Variants in INTS1 observed in about 807,000 individuals in gnomAD.
INTS1 encodes the protein integrator complex subunit 1.
In INTS1, 137 loss-of-function variants were observed where a neutral mutation model predicts 241.6. The ratio of observed to expected loss-of-function variants is 0.57; its 90% CI spans 0.49 to 0.65. The LOEUF (loss-of-function observed/expected upper bound fraction) is 0.65. Among genes scored for constraint, INTS1 ranks in the 30% least tolerant of loss-of-function variants. The pLI, the probability that INTS1 is intolerant of heterozygous loss-of-function variation, is 0.00. For synonymous variants in INTS1, 1,692 were observed against 1,337.8 expected, an observed-to-expected ratio of 1.26 and a Z score of -5.78; for missense variants, 3,073 against 3,032.2, an observed-to-expected ratio of 1.01 and a Z score of -0.32.
Position 1,476,001 on chromosome 7 carries a change from C to G in INTS1, c.5449G>C (p.Val1817Leu). Reference sequence around the variant, plus strand: ...TCGCTGTGCAGTAGGACCTCAGGCACGGGCACCCGCAGCTCCGGCCGCTGT... The same window carrying G: ...TCGCTGTGCAGTAGGACCTCAGGCAGGGGCACCCGCAGCTCCGGCCGCTGT... ...YLQRPELRVP[V>L]PEVLLHSEGA... The change falls in exon 39 of 48, where the codon GTG becomes CTG. Residue 1817 changes from valine (V) to leucine (L), a missense_variant. Transcript: ENST00000404767. 1 of 1,545,608 alleles carries G rather than the reference C, an allele frequency of 6.5e-7. No individual in the cohort carries two copies. Among genetic ancestry groups the G allele is most frequent in the Non-Finnish European group, 8.7e-7 (1 of 1,146,720 alleles).
At chr7:1,499,212 G>A (rs200587855) in intron 7 of INTS1, 43 bp downstream of exon 7, 52 of 1,602,798 alleles carry the variant, frequency 3.2e-5, no homozygotes, top group African/African-American at 1.2e-4. Flanking sequence ...CGAGGCGCCC[G>A]CCCCCGCCGC....
At chr7:1,492,550 T>C (rs919064024) in intron 16 of INTS1, among the ~76,000 whole-genome samples, 1 of 152,184 alleles carries the variant, frequency 6.6e-6, no homozygotes, top group Non-Finnish European at 1.5e-5. Flanking sequence ...TCTGAAAACA[T>C]GGAATTGCAC....
At position 1,477,586 on chromosome 7, in the gene INTS1, G is replaced by A. The variant is rs1021594499; in HGVS notation, c.4902C>T (p.Pro1634=). The A allele has an allele frequency of 5.1e-6, 8 of 1,556,672 alleles. No homozygotes were observed. The highest frequency in any genetic ancestry group is 1.2e-5 in the South Asian group (1 of 83,700). The stretch of plus-strand genomic sequence containing the variant: ...AGAAGAGCAGCCTGAGCTGCAGGTC[G>A]GGGCAGCTGCTGACCACCTCGGGGT... The part of the protein sequence containing the change: ...MLDPEVVSSC[P]DLQLRLLFSR... The change falls in exon 35 of 48, where the codon CCC becomes CCT. Residue 1634 remains proline (P), a synonymous_variant. Transcript: ENST00000404767.
rs140918943 is a variant in INTS1 at position 1,472,254 on chromosome 7, G to A, written c.6184+19C>T. 812 of 1,532,530 alleles carry A rather than the reference G, an allele frequency of 5.3e-4. 5 individuals carry two copies. In the Middle Eastern group the frequency reaches 0.011, roughly 21 times the overall value. The allele number at this position is 1,532,530 out of a possible 1,614,324, so 94.9% of individuals were successfully genotyped here. Reference sequence around the variant, plus strand: ...CCCAGGGCGCTGACCTGGCGTGGGTGAAGCAGGGCCTGACTCACCCTCCAC... The same window carrying A: ...CCCAGGGCGCTGACCTGGCGTGGGTAAAGCAGGGCCTGACTCACCCTCCAC... On this transcript the variant is annotated intron_variant, in intron 44 of 47. Coordinates refer to ENST00000404767, the MANE Select transcript of INTS1 (RefSeq NM_001080453.3).
At position 1,497,425 on chromosome 7, in the gene INTS1, C is replaced by CA; in HGVS notation, c.1426-112dup. Reference sequence around the variant, plus strand: ...CGCCCGAGGGCGCTGCAGTGGGTCTCAGACAGTGTGGGGTGCGGGGTGGCG... The same window carrying CA: ...CGCCCGAGGGCGCTGCAGTGGGTCTCAAGACAGTGTGGGGTGCGGGGTGGCG... On this transcript the variant is annotated intron_variant, in intron 10 of 47. Coordinates refer to ENST00000404767, the MANE Select transcript of INTS1 (RefSeq NM_001080453.3). This position sits in a 1 kb window ranked among gnomAD's most constrained non-coding sequence, Gnocchi z 5.3. The CA allele has an allele frequency of 8.4e-7, 1 of 1,196,848 alleles. No homozygotes were observed. The highest frequency in any genetic ancestry group is 1.1e-6 in the Non-Finnish European group (1 of 873,962). 74.1% of individuals were successfully genotyped at this position (1,196,848 alleles called of 1,614,324 possible). A position where few individuals can be genotyped will look rare whatever the true frequency, so the allele number is the denominator to read the frequency against.
At chr7:1,485,867 G>GT (rs546645566) in intron 22 of INTS1, among the ~76,000 whole-genome samples, 349 of 152,294 alleles carry the variant, frequency 2.3e-3, no homozygotes, top group African/African-American at 8.3e-3. Flanking sequence ...GAGTGCAGTG[G>GT]TGTGATCACA....
rs1018420598 is a variant in INTS1 at position 1,499,296 on chromosome 7, C to A, written c.909G>T (p.Glu303Asp). 2 of 1,608,632 alleles carry A rather than the reference C, an allele frequency of 1.2e-6. No individual in the cohort carries two copies. The highest frequency in any genetic ancestry group is 2.7e-5 in the African/African-American group (2 of 74,854). The change falls in exon 7 of 48, where the codon GAG becomes GAT. Residue 303 changes from glutamate to aspartate, a missense_variant. Physicochemically the swap from Glu to Asp is conservative, Grantham distance 45. Coordinates refer to ENST00000404767, the MANE Select transcript of INTS1 (RefSeq NM_001080453.3). ...EDSQTELLIA[E>D]EKLSPEQEGQ... Reference sequence around the variant, plus strand: ...CCTCCTGCTCGGGGCTCAGCTTCTCCTCCGCGATCAGCAACTCCGTCTGGC... The same window carrying A: ...CCTCCTGCTCGGGGCTCAGCTTCTCATCCGCGATCAGCAACTCCGTCTGGC...
chr7:1,490,222 C>T (rs1782480655), intron 16 of INTS1, among the ~76,000 whole-genome samples: 1 of 152,230 alleles, frequency 6.6e-6, no homozygotes, highest in Non-Finnish European at 1.5e-5. Context: ...CATCAGAGAG[C>T]ACGCGAGGCT....
chr7:1,476,456 C>T (rs1464009238), upstream of INTS1: 2 of 1,560,096 alleles, frequency 1.3e-6, no homozygotes, highest in South Asian at 2.3e-5. Context: ...CCCGCCGCTT[C>T]TGTAACGGGT....
intron 4 of INTS1, 66 bp downstream of exon 4, chr7:1,500,104 G>C (rs1426098002): frequency 1.9e-6 from 3 of 1,587,730 alleles, no homozygotes; most frequent in Non-Finnish European, 2.6e-6. Flanking sequence ...ACACTTAAGG[G>C]GGAGGTGAGG....
chr7:1,498,534 T>C lies in INTS1; in HGVS notation c.1303A>G (p.Lys435Glu). The stretch of plus-strand genomic sequence containing the variant: ...TTGATGGTGGTGCCCAGGTTGTCCT[T>C]GTGCGCGCTCAGCAGCTCCCTGGGT... ...LCIRELLSAH[K>E]DNLGTTIKLV... Residue 435 changes from lysine (K) to glutamate (E), a missense_variant, in exon 10 of 48, where the codon AAG (lysine) becomes GAG (glutamate). By Grantham distance (56) the Lys-to-Glu change is moderately conservative (BLOSUM62 1). Coordinates refer to ENST00000404767, the MANE Select transcript of INTS1 (RefSeq NM_001080453.3). The C allele has an allele frequency of 1.2e-6, 2 of 1,613,782 alleles. No individual in the cohort carries two copies. The highest frequency in any genetic ancestry group is 1.7e-6 in the Non-Finnish European group (2 of 1,179,842).
rs1212568922 is a variant in INTS1 at position 1,499,342 on chromosome 7, G to C, written c.863C>G (p.Ser288Cys). The change falls in exon 7 of 48, where the codon TCC becomes TGC. Residue 288 changes from serine (S) to cysteine (C), a missense_variant. Ser to Cys is a moderately radical substitution (Grantham distance 112). Coordinates refer to ENST00000404767, the MANE Select transcript of INTS1 (RefSeq NM_001080453.3). ...CTGGCTGTCCTCCTCCTCCGTGAGG[G>C]AGGGGTGTGGGCTGCTCCCTGCAAA... is the stretch of plus-strand genomic sequence containing the variant. ...DLGAGSSPHPSLTEEEDSQTE... is the reference protein window; with the variant it reads ...DLGAGSSPHPCLTEEEDSQTE... 3.8e-6 allele frequency: 6 copies of C among 1,594,604 alleles called. No individual in the cohort carries two copies. The South Asian group carries it at 5.7e-5, about 15-fold the overall frequency.
In INTS1 at chr7:1,470,588, C is replaced by T; in HGVS notation, c.6562G>A (p.Ala2188Thr). ...SEALRILHMEAVM is the reference protein window; with the variant it reads ...SEALRILHMETVM The stretch of plus-strand genomic sequence containing the variant: ...CGGCTGCCACAGGCTCACATCACGG[C>T]CTCCATATGCAGGATCCTCAGGGCC... Residue 2188 changes from alanine (A) to threonine (T), a missense_variant, in exon 48 of 48, where the codon GCC becomes ACC. Transcript: ENST00000404767. The T allele has an allele frequency of 6.4e-7, 1 of 1,566,188 alleles. No homozygotes were observed.
intron 41 of INTS1, 26 bp downstream of exon 41, chr7:1,474,142 C>T (rs150721417): frequency 7.2e-6 from 11 of 1,536,688 alleles, no homozygotes; most frequent in Admixed American, 5.4e-5. Flanking sequence ...GAAGGGAGCG[C>T]GAGGGCGGGC....
intron 19 of INTS1, 138 bp downstream of exon 19, chr7:1,487,622 G>C: frequency 3.1e-6 from 4 of 1,280,944 alleles, no homozygotes; most frequent in Non-Finnish European, 1.1e-6. Flanking sequence ...AGGGACGCGG[G>C]GACGGGGCTC....
rs1049460785 is a variant in INTS1 at position 1,493,689 on chromosome 7, C to T, written c.2068+65G>A. 6 of 1,498,914 alleles carry T rather than the reference C, an allele frequency of 4.0e-6. No individual in the cohort carries two copies. The highest frequency in any genetic ancestry group is 2.5e-5 in the East Asian group (1 of 40,276). The allele number at this position is 1,498,914 out of a possible 1,614,324, so 92.9% of individuals were successfully genotyped here. A position where few individuals can be genotyped will look rare whatever the true frequency, so the allele number is the denominator to read the frequency against. The stretch of plus-strand genomic sequence containing the variant: ...GCGCCCCAGAGGTGCGTGCCAGAGC[C>T]GGGGTTTCTGCAGGGACGAGGGGAG... On this transcript the variant is annotated intron_variant, in intron 15 of 47. Transcript: ENST00000404767. The surrounding 1 kb of genome is among the most constrained non-coding windows in gnomAD (Gnocchi z 5.3).
rs142219255 is a variant in INTS1, at chr7:1,471,928, C to T, written c.6185-287G>A. 6.4e-3 allele frequency among the ~76,000 whole-genome samples: 981 copies of T among 152,324 alleles called. 13 individuals carry two copies. Among genetic ancestry groups the T allele is most frequent in the African/African-American group, 0.023 (936 of 41,576 alleles). On this transcript the variant is annotated intron_variant, in intron 44 of 47. Coordinates refer to ENST00000404767, the MANE Select transcript of INTS1 (RefSeq NM_001080453.3). Reference sequence around the variant, plus strand: ...CCCCACGGCCCGACTCCATCCGGGCCGCTCAGCCTTGGCTGTCCTCTGACA... The same window carrying T: ...CCCCACGGCCCGACTCCATCCGGGCTGCTCAGCCTTGGCTGTCCTCTGACA...
intron 20 of INTS1, 41 bp from the exon 21 acceptor site, chr7:1,487,142 C>A (rs773282432): frequency 6.5e-7 from 1 of 1,532,892 alleles, no homozygotes; most frequent in South Asian, 1.2e-5. Context: ...ACCTTCCAGG[C>A]CCAACACCTG....
chr7:1,471,391 G>A (rs1381957658), intron 45 of INTS1, among the ~76,000 whole-genome samples, 167 bp from the exon 46 acceptor site: 1 of 152,156 alleles, frequency 6.6e-6, no homozygotes, highest in African/African-American at 2.4e-5. Context: ...GGGGCTGAAG[G>A]CAGGCCTGCT....
Sources: allele counts gnomAD v4.1 joint callset (sites outside exome capture counted in the v4.1 genomes callset), GRCh38; gene constraint gnomAD v4.1.1; non-coding constraint Gnocchi (gnomAD v3.1); transcripts MANE v1.5; gene names NCBI Gene and HGNC (gene_info 2026-07-23, HGNC 2026-07-21).